ESS2: variants seen among roughly 807,000 people sequenced by gnomAD.
ESS2 encodes splicing factor ESS-2 homolog.
In ESS2, 31 loss-of-function variants were observed where a neutral mutation model predicts 52.0. The observed-to-expected ratio is 0.60, with a 90% CI of 0.45 to 0.81. The LOEUF (loss-of-function observed/expected upper bound fraction) is 0.81, where lower values mean the gene tolerates loss of function less well. ESS2 is among the 30% of genes least tolerant of loss of function. The pLI, the probability that ESS2 is intolerant of heterozygous loss-of-function variation, is 0.00. For missense variants in ESS2, 602 were observed against 637.2 expected (o/e 0.94, Z 0.59); for synonymous variants, 285 against 259.2 (o/e 1.10, Z -0.95).
At chr22:19,139,385 T>G in intron 5 of ESS2, 93 bp from the exon 6 acceptor site, 1 of 1,489,494 alleles carries the variant, frequency 6.7e-7, no homozygotes, top group Non-Finnish European at 9.0e-7. Context: ...CACTCCCAGA[T>G]GAACAAAAGC....
At position 19,131,740 on chromosome 22, in the gene ESS2, G is replaced by T; in HGVS notation, c.*2456C>A. 1 of 1,614,030 alleles carries T rather than the reference G, an allele frequency of 6.2e-7. No individual in the cohort carries two copies. Among genetic ancestry groups the T allele is most frequent in the Non-Finnish European group, 8.5e-7 (1 of 1,179,944 alleles). ...GGAGCCCTGCATGAGGACGTGGCAC[G>T]CAAGATGTTCCGACAGCTCTCCTCC... On this transcript the variant is annotated 3_prime_UTR_variant, in exon 10 of 10. Transcript: ENST00000252137. The surrounding 1 kb of genome is among the most constrained non-coding windows in gnomAD (Gnocchi z 5.7).
chr22:19,139,386 G>T, intron 5 of ESS2, 94 bp from the exon 6 acceptor site: 2 of 1,486,874 alleles, frequency 1.3e-6, no homozygotes, highest in South Asian at 1.3e-5. Flanking sequence ...ACTCCCAGAT[G>T]AACAAAAGCA....
Position 19,144,553 on chromosome 22 carries a change from C to T in ESS2, c.88G>A (p.Ala30Thr). ...PRKREAGEAG[A>T]ATSKQRVLDE... The stretch of plus-strand genomic sequence containing the variant: ...AGGACCCGCTGCTTGCTCGTCGCAG[C>T]CCCAGCCTCTCCCGCCTCGCGCTTC... Residue 30 changes from alanine to threonine, a missense_variant, in exon 1 of 10, where the codon GCT becomes ACT. Physicochemically the swap from Ala to Thr is moderately conservative, Grantham distance 58. Transcript: ENST00000252137. 1 of 1,608,786 alleles carries T rather than the reference C, an allele frequency of 6.2e-7. No individual in the cohort carries two copies. Among genetic ancestry groups the T allele is most frequent in the South Asian group, 1.1e-5 (1 of 90,964 alleles).
Position 19,142,858 on chromosome 22 carries a change from C to T in ESS2, c.172G>A (p.Asp58Asn). The T allele has an allele frequency of 6.2e-7, 1 of 1,614,042 alleles. No individual in the cohort carries two copies. Among genetic ancestry groups the T allele is most frequent in the Non-Finnish European group, 8.5e-7 (1 of 1,180,010 alleles). ...TTCTGTGCCTGGAGCTTCTCCACAT[C>T]AGGAAAGAAATCCCTTTGGATGACC... is the stretch of plus-strand genomic sequence containing the variant. The part of the protein sequence containing the change: ...QTVIQRDFFP[D>N]VEKLQAQKEY... Residue 58 changes from aspartate (D) to asparagine (N), a missense_variant, in exon 2 of 10, where the codon GAT (aspartate) becomes AAT (asparagine). Coordinates refer to ENST00000252137, the MANE Select transcript of ESS2 (RefSeq NM_022719.3).
At position 19,144,631 on chromosome 22, in the gene ESS2, G is replaced by C. The variant is rs537105916; in HGVS notation, c.10C>G (p.Pro4Ala). 2.0e-6 allele frequency: 3 copies of C among 1,530,560 alleles called. No homozygotes were observed. In the East Asian group the frequency reaches 7.5e-5, roughly 38 times the overall value. The allele number at this position is 1,530,560 out of a possible 1,614,324, so 94.8% of individuals were successfully genotyped here. A position where few individuals can be genotyped will look rare whatever the true frequency, so the allele number is the denominator to read the frequency against. The change falls in exon 1 of 10, where the codon CCG (proline) becomes GCG (alanine). Residue 4 changes from proline (P) to alanine (A), a missense_variant. Coordinates refer to ENST00000252137, the MANE Select transcript of ESS2 (RefSeq NM_022719.3). ...AACAAGGACGACGCTGATGCGCCCG[G>C]CGTCTCCATCGCTATCCCAGGAAAA... MET[P>A]GASASSLLLP...
chr22:19,143,846 G>C (rs1416189606), intron 1 of ESS2, among the ~76,000 whole-genome samples: 1 of 152,190 alleles, frequency 6.6e-6, no homozygotes, highest in Non-Finnish European at 1.5e-5. Context: ...GACGACGAGC[G>C]AGACTCCGTC....
chr22:19,135,013 G>A (rs1345603710), intron 9 of ESS2, 47 bp downstream of exon 9: 15 of 1,572,722 alleles, frequency 9.5e-6, no homozygotes, highest in Non-Finnish European at 1.2e-5. Context: ...AACAGGAGCA[G>A]GCCAGAGCCA....
rs2083521030 is a variant in ESS2, at chr22:19,132,530, C to CA, written c.*1665dup. On this transcript the variant is annotated 3_prime_UTR_variant, in exon 10 of 10. Coordinates refer to ENST00000252137, the MANE Select transcript of ESS2 (RefSeq NM_022719.3). The surrounding 1 kb of genome is among the most constrained non-coding windows in gnomAD (Gnocchi z 4.2). The stretch of plus-strand genomic sequence containing the variant: ...GGGGTCGGGGTTGGGGGGCATGGTG[C>CA]AGTCGGCCTTCACGTAAACTAAGTA... 1.3e-6 allele frequency: 2 copies of CA among 1,523,170 alleles called. No individual in the cohort carries two copies. The highest frequency in any genetic ancestry group is 4.5e-5 in the East Asian group (2 of 44,016). 94.4% of individuals were successfully genotyped at this position (1,523,170 alleles called of 1,614,324 possible).
Position 19,131,361 on chromosome 22 carries a change from G to T in ESS2, c.*2835C>A. Reference sequence around the variant, plus strand: ...AATGCCTGCTGGCCCACATGACGGGGGGATGTAGACGGCAGCGGCGCCAGT... The same window carrying T: ...AATGCCTGCTGGCCCACATGACGGGTGGATGTAGACGGCAGCGGCGCCAGT... On this transcript the variant is annotated 3_prime_UTR_variant, in exon 10 of 10. Transcript: ENST00000252137. The surrounding 1 kb of genome is among the most constrained non-coding windows in gnomAD (Gnocchi z 5.7). The T allele has an allele frequency of 6.6e-7, 1 of 1,526,352 alleles. No homozygotes were observed. The highest frequency in any genetic ancestry group is 1.2e-5 in the South Asian group (1 of 80,164). 94.6% of individuals were successfully genotyped at this position (1,526,352 alleles called of 1,614,324 possible). A position where few individuals can be genotyped will look rare whatever the true frequency, so the allele number is the denominator to read the frequency against.
rs1569102418 is a variant in ESS2 at position 19,131,572 on chromosome 22, C to G, written c.*2624G>C. ...ACTGACTTTGTGGAGAGATTCCTTC[C>G]TCGGGAGATGGACATCCTGGCAACT... is the stretch of plus-strand genomic sequence containing the variant. On this transcript the variant is annotated 3_prime_UTR_variant, in exon 10 of 10. Coordinates refer to ENST00000252137, the MANE Select transcript of ESS2 (RefSeq NM_022719.3). This position sits in a 1 kb window ranked among gnomAD's most constrained non-coding sequence, Gnocchi z 5.7. The G allele has an allele frequency of 6.2e-7, 1 of 1,614,122 alleles. No individual in the cohort carries two copies. The highest frequency in any genetic ancestry group is 8.5e-7 in the Non-Finnish European group (1 of 1,180,022).
At position 19,134,380 on chromosome 22, in the gene ESS2, GCCCGCAGGGC is replaced by G; in HGVS notation, c.1237_1246del (p.Ala413ProfsTer70). On this transcript the variant is annotated frameshift_variant, in exon 10 of 10. Coordinates refer to ENST00000252137, the MANE Select transcript of ESS2 (RefSeq NM_022719.3). LOFTEE classifies it high-confidence loss of function. ...GCGTGCTGGGGATGGTGTGTAGCTG[GCCCGCAGGGC>G]CCGGTCTGTGTACTTGCTGGCCGTC... The G allele has an allele frequency of 6.2e-7, 1 of 1,611,824 alleles. No individual in the cohort carries two copies. The highest frequency in any genetic ancestry group is 8.5e-7 in the Non-Finnish European group (1 of 1,179,206).
intron 3 of ESS2, among the ~76,000 whole-genome samples, chr22:19,140,765 C>A (rs1449525416): frequency 6.6e-6 from 1 of 152,220 alleles, no homozygotes; most frequent in African/African-American, 2.4e-5. Context: ...GCACAAGGCA[C>A]AGTGGCTACA....
chr22:19,134,547 G>A, intron 9 of ESS2, 72 bp from the exon 10 acceptor site: 1 of 1,436,948 alleles, frequency 7.0e-7, no homozygotes, highest in Non-Finnish European at 9.2e-7. Context: ...GGCCTCCCTT[G>A]GCTCCCAGGA....
rs563664829 is a variant in ESS2 at position 19,137,211 on chromosome 22, G to T, written c.1035+112C>A. 3 of 747,920 alleles carry T rather than the reference G, an allele frequency of 4.0e-6. No individual in the cohort carries two copies. The South Asian group carries it at 5.9e-5, about 15-fold the overall frequency. The allele number at this position is 747,920 out of a possible 1,614,324, so 46.3% of individuals were successfully genotyped here. ...TGGCATTCAGAAAAGCCAGCACTCT[G>T]CCCGTCAGCAGCTGGGGGCCGATCC... On this transcript the variant is annotated intron_variant, in intron 8 of 9. Coordinates refer to ENST00000252137, the MANE Select transcript of ESS2 (RefSeq NM_022719.3).
At position 19,135,022 on chromosome 22, in the gene ESS2, C is replaced by T. The variant is rs1601344232; in HGVS notation, c.1151+38G>A. The T allele has an allele frequency of 4.4e-6, 7 of 1,588,804 alleles. No individual in the cohort carries two copies. The East Asian group carries it at 1.3e-4, about 30-fold the overall frequency. On this transcript the variant is annotated intron_variant, in intron 9 of 9. Transcript: ENST00000252137. ...GGGCCGAACAGGAGCAGGCCAGAGCCACCCTCGCACTTCCCCACCAGCCAG... is the reference window on the plus strand; with the variant it reads ...GGGCCGAACAGGAGCAGGCCAGAGCTACCCTCGCACTTCCCCACCAGCCAG...
chr22:19,141,393 GC>G (rs1202172306), intron 3 of ESS2, among the ~76,000 whole-genome samples: 3 of 152,268 alleles, frequency 2.0e-5, no homozygotes, highest in African/African-American at 7.2e-5. Flanking sequence ...TGAAAAGAGG[GC>G]CTGACAACGC....
intron 1 of ESS2, chr22:19,144,269 T>C (rs1437761437): frequency 7.8e-7 from 1 of 1,286,360 alleles, no homozygotes; most frequent in Non-Finnish European, 9.9e-7. Context: ...CTTCTTTCCC[T>C]GACCCCCGTC....
At position 19,132,457 on chromosome 22, in the gene ESS2, T is replaced by C. The variant is rs1326047900; in HGVS notation, c.*1739A>G. The C allele has an allele frequency of 1.2e-6, 2 of 1,609,480 alleles. No individual in the cohort carries two copies. Among genetic ancestry groups the C allele is most frequent in the Admixed American group, 1.7e-5 (1 of 59,776 alleles). Reference sequence around the variant, plus strand: ...GACCATCACATCTCCGGAGCTGAGGTGGGGAAAGCAAGCACCTAGCATGAC... The same window carrying C: ...GACCATCACATCTCCGGAGCTGAGGCGGGGAAAGCAAGCACCTAGCATGAC... On this transcript the variant is annotated 3_prime_UTR_variant, in exon 10 of 10. Coordinates refer to ENST00000252137, the MANE Select transcript of ESS2 (RefSeq NM_022719.3). This position sits in a 1 kb window ranked among gnomAD's most constrained non-coding sequence, Gnocchi z 4.2.
In ESS2 at chr22:19,138,209, T is replaced by C. The variant is rs760136021; in HGVS notation, c.925+6A>G. ...AGACCCACTTGCCAGTGGGCACTTTTCTCACCAGGGGCAGGGGAAGGAGTG... is the reference window on the plus strand; with the variant it reads ...AGACCCACTTGCCAGTGGGCACTTTCCTCACCAGGGGCAGGGGAAGGAGTG... On this transcript the variant is annotated splice_donor_region_variant and intron_variant, in intron 7 of 9. Transcript: ENST00000252137. The C allele has an allele frequency of 6.2e-7, 1 of 1,613,934 alleles. No homozygotes were observed. The highest frequency in any genetic ancestry group is 2.2e-5 in the East Asian group (1 of 44,858).
Sources: allele counts gnomAD v4.1 joint callset (sites outside exome capture counted in the v4.1 genomes callset), GRCh38; gene constraint gnomAD v4.1.1; non-coding constraint Gnocchi (gnomAD v3.1); transcripts MANE v1.5; gene names NCBI Gene and HGNC (gene_info 2026-07-23, HGNC 2026-07-21).